The following DEPTOR variants were observed in gnomAD, a reference collection of about 807,000 sequenced individuals.
DEPTOR encodes the protein DEP domain-containing mTOR-interacting protein.
DEPTOR carries 41 observed loss-of-function variants against 41.6 expected under a neutral mutation model. The observed-to-expected ratio is 0.98, with a 90% CI of 0.77 to 1.28. The LOEUF (loss-of-function observed/expected upper bound fraction) is 1.28, where lower values mean the gene tolerates loss of function less well. DEPTOR is among the 50% of genes most tolerant of loss of function. The pLI is 0.00. For missense variants in DEPTOR, 514 were observed against 527.9 expected, an observed-to-expected ratio of 0.97 and a Z score of 0.26; for synonymous variants, 195 against 192.3, an observed-to-expected ratio of 1.01 and a Z score of -0.12.
intron 5 of DEPTOR, among the ~76,000 whole-genome samples, 186 bp from the exon 6 acceptor site, chr8:120,002,791 A>ATATATATATAT (rs1554584639): frequency 1.6e-5 from 1 of 60,672 alleles, no homozygotes; most frequent in African/African-American, 7.6e-5. Flanking sequence ...AAAAAAAAAA[A>ATATATATATAT]ATATATATAT....
At chr8:119,935,735 A>G (rs1828103524) in intron 3 of DEPTOR, among the ~76,000 whole-genome samples, 1 of 150,242 alleles carries the variant, frequency 6.7e-6, no homozygotes, top group Non-Finnish European at 1.5e-5. Context: ...AAAAAAAAAG[A>G]AAAGAAAAGA....
At chr8:119,942,084 C>G (rs1828211394) in intron 3 of DEPTOR, among the ~76,000 whole-genome samples, 1 of 152,156 alleles carries the variant, frequency 6.6e-6, no homozygotes, top group Non-Finnish European at 1.5e-5. Context: ...AATTTGTTAA[C>G]ATGCAAAACA....
intron 3 of DEPTOR, among the ~76,000 whole-genome samples, chr8:119,958,425 T>C (rs1271387190): frequency 6.6e-6 from 1 of 152,184 alleles, no homozygotes; most frequent in Non-Finnish European, 1.5e-5. Context: ...TTGCATAATG[T>C]CACTTTCATT....
chr8:119,930,274 T>C (rs1828025116), intron 3 of DEPTOR, among the ~76,000 whole-genome samples: 1 of 152,226 alleles, frequency 6.6e-6, no homozygotes, highest in South Asian at 2.1e-4. Context: ...AGTCTCACTC[T>C]TGCCCAGGCT....
intron 4 of DEPTOR, among the ~76,000 whole-genome samples, chr8:119,991,726 T>G (rs1272916120): frequency 6.6e-6 from 1 of 152,188 alleles, no homozygotes; most frequent in Non-Finnish European, 1.5e-5. Context: ...TGTACTAAGG[T>G]TAATAGCCTC....
At position 120,049,736 on chromosome 8, in the gene DEPTOR, G is replaced by A. The variant is rs1196724863; in HGVS notation, c.*32G>A. The A allele has an allele frequency of 2.5e-6, 4 of 1,611,356 alleles. No homozygotes were observed. Among genetic ancestry groups the A allele is most frequent in the Non-Finnish European group, 3.4e-6 (4 of 1,178,512 alleles). ...GGGCCTCCCAGCCCTCCAGTGGCCTGTGGGTGAGGGAAGCCAGAATGACAC... is the reference window on the plus strand; with the variant it reads ...GGGCCTCCCAGCCCTCCAGTGGCCTATGGGTGAGGGAAGCCAGAATGACAC... On this transcript the variant is annotated 3_prime_UTR_variant, in exon 9 of 9. Transcript: ENST00000286234.
At chr8:119,923,893 C>CTTTTCTTTTTTTTTTTTTTTTTTTTT (rs1554673843) in intron 1 of DEPTOR, among the ~76,000 whole-genome samples, 3 of 104,996 alleles carry the variant, frequency 2.9e-5, no homozygotes, top group African/African-American at 9.1e-5. Flanking sequence ...TTTTTTCTTT[C>CTTTTCTTTTTTTTTTTTTTTTTTTTT]TTTTTTTTTT....
At chr8:119,879,600 T>C (rs1337809008) in intron 1 of DEPTOR, among the ~76,000 whole-genome samples, 2 of 151,652 alleles carry the variant, frequency 1.3e-5, no homozygotes, top group African/African-American at 4.8e-5. Flanking sequence ...TAGTCCCATC[T>C]ACTCAGGAGG....
intron 4 of DEPTOR, among the ~76,000 whole-genome samples, chr8:119,985,221 T>C (rs939430934): frequency 2.6e-5 from 4 of 152,188 alleles, no homozygotes; most frequent in Non-Finnish European, 5.9e-5. Context: ...GCATCTATTG[T>C]TTCCCAACTT....
chr8:119,971,012 C>T (rs1488528393), intron 4 of DEPTOR, among the ~76,000 whole-genome samples: 1 of 152,086 alleles, frequency 6.6e-6, no homozygotes, highest in Non-Finnish European at 1.5e-5. Flanking sequence ...GGGCGGATCA[C>T]AAGGTCGGGA....
intron 1 of DEPTOR, among the ~76,000 whole-genome samples, chr8:119,901,675 C>CAAAAA (rs36026315): frequency 2.3e-5 from 2 of 88,292 alleles, no homozygotes; most frequent in Admixed American, 1.2e-4. Flanking sequence ...GACTCTGTCT[C>CAAAAA]AAAAAAAAAA....
In DEPTOR at chr8:120,034,537, T is replaced by G. The variant is rs528481096; in HGVS notation, c.1102-15039T>G. Among the ~76,000 whole-genome samples the G allele has an allele frequency of 3.9e-5, 5 of 129,784 alleles. No individual in the cohort carries two copies. In the Admixed American group the frequency reaches 5.0e-4, roughly 13 times the overall value. 85.1% of individuals were successfully genotyped at this position (129,784 alleles called of 152,430 possible). ...ATCTCAGCTCACTGCAATCTCCACCTCCCGGGTTCAAGCAATTCTCCTTCC... is the reference window on the plus strand; with the variant it reads ...ATCTCAGCTCACTGCAATCTCCACCGCCCGGGTTCAAGCAATTCTCCTTCC... On this transcript the variant is annotated intron_variant, in intron 8 of 8. Coordinates refer to ENST00000286234, the MANE Select transcript of DEPTOR (RefSeq NM_022783.4).
intron 1 of DEPTOR, among the ~76,000 whole-genome samples, chr8:119,896,180 A>G (rs1047140524): frequency 7.2e-5 from 11 of 152,240 alleles, no homozygotes; most frequent in African/African-American, 2.7e-4. Context: ...GAACCATACT[A>G]TGTGACCAGT....
chr8:119,912,459 T>G (rs981295190), intron 1 of DEPTOR, among the ~76,000 whole-genome samples: 1 of 152,180 alleles, frequency 6.6e-6, no homozygotes, highest in Non-Finnish European at 1.5e-5. Context: ...TGTGTTTCGG[T>G]TGAGAAATTT....
chr8:119,961,226 G>T (rs990316948), intron 3 of DEPTOR, among the ~76,000 whole-genome samples: 2 of 152,012 alleles, frequency 1.3e-5, no homozygotes, highest in Admixed American at 1.3e-4. Flanking sequence ...AGACCAGCCT[G>T]ATGAGCATGG....
chr8:119,874,917 C>T (rs1409097287), intron 1 of DEPTOR, among the ~76,000 whole-genome samples: 1 of 152,104 alleles, frequency 6.6e-6, no homozygotes, highest in Non-Finnish European at 1.5e-5. Context: ...ACAACTTGTA[C>T]GCGGGCCCCT....
At chr8:119,963,411 T>C (rs1828517199) in intron 3 of DEPTOR, among the ~76,000 whole-genome samples, 1 of 151,874 alleles carries the variant, frequency 6.6e-6, no homozygotes, top group African/African-American at 2.4e-5. Context: ...AGTGCAGTGG[T>C]GTGAACTCGG....
chr8:120,001,575 A>G lies in DEPTOR; in HGVS notation c.655A>G (p.Met219Val). 2 of 1,613,900 alleles carry G rather than the reference A, an allele frequency of 1.2e-6. No homozygotes were observed. The highest frequency in any genetic ancestry group is 1.7e-6 in the Non-Finnish European group (2 of 1,179,942). Residue 219 changes from methionine (M) to valine (V), a missense_variant, in exon 5 of 9, where the codon ATG becomes GTG. Transcript: ENST00000286234. ...CAGCAATCTTCTCTACCAGTTCAGAATGAACTTCCGGCGGAGGCGAAGACT... is the reference window on the plus strand; with the variant it reads ...CAGCAATCTTCTCTACCAGTTCAGAGTGAACTTCCGGCGGAGGCGAAGACT... ...VDSNLLYQFRMNFRRRRRLME... is the reference protein window; with the variant it reads ...VDSNLLYQFRVNFRRRRRLME...
At chr8:119,902,993 G>A (rs574316922) in intron 1 of DEPTOR, among the ~76,000 whole-genome samples, 110 of 152,286 alleles carry the variant, frequency 7.2e-4, no homozygotes, top group Non-Finnish European at 1.0e-3. Context: ...TGTGTGCTCC[G>A]TGAGGGCAGG....
Sources: allele counts gnomAD v4.1 joint callset (sites outside exome capture counted in the v4.1 genomes callset), GRCh38; gene constraint gnomAD v4.1.1; transcripts MANE v1.5; gene names NCBI Gene and HGNC (gene_info 2026-07-23, HGNC 2026-07-21).